The following HIF1AN variants were observed in gnomAD, a reference collection of about 807,000 sequenced individuals.
The protein encoded by HIF1AN is hypoxia-inducible factor 1-alpha inhibitor.
Under a neutral mutation model 47.7 loss-of-function variants are expected in HIF1AN, and 21 were observed. The ratio of observed to expected loss-of-function variants is 0.44; its 90% CI spans 0.31 to 0.63. The LOEUF is 0.63. Among genes scored for constraint, HIF1AN ranks in the 30% least tolerant of loss-of-function variants. HIF1AN has a pLI of 0.07. For synonymous variants in HIF1AN, 152 were observed against 155.9 expected (o/e 0.98, Z 0.18); for missense variants, 320 against 432.7 (o/e 0.74, Z 2.31).
In HIF1AN at chr10:100,558,086, G is replaced by A. The variant is rs557758560; in HGVS notation, c.*9949G>A. The A allele has an allele frequency of 6.6e-6, 1 of 152,468 alleles. No individual in the cohort carries two copies. The highest frequency in any genetic ancestry group is 1.5e-5 in the Non-Finnish European group (1 of 68,220). The allele number at this position is 152,468 out of a possible 1,614,324, so 9.4% of individuals were successfully genotyped here. On this transcript the variant is annotated 3_prime_UTR_variant, in exon 8 of 8. Transcript: ENST00000299163. ...GGACCTCTGGGAATCGTTGGCATGG[G>A]GGTGTGGTGCAGAAAGGGTGATGCT...
rs184601739 is a variant in HIF1AN, at chr10:100,553,444, A to G, written c.*5307A>G. 6.6e-6 allele frequency: 1 copy of G among 152,308 alleles called. No homozygotes were observed. The highest frequency in any genetic ancestry group is 6.5e-5 in the Admixed American group (1 of 15,304). 9.4% of individuals were successfully genotyped at this position (152,308 alleles called of 1,614,324 possible). A position where few individuals can be genotyped will look rare whatever the true frequency, so the allele number is the denominator to read the frequency against. On this transcript the variant is annotated 3_prime_UTR_variant, in exon 8 of 8. Coordinates refer to ENST00000299163, the MANE Select transcript of HIF1AN (RefSeq NM_017902.3). ...GCGTAGTCAGATGTCAGGAGTAGAG[A>G]TCTTAATGAGAAAGGCCCTGGCAGC... is the stretch of plus-strand genomic sequence containing the variant.
In HIF1AN at chr10:100,549,959, C is replaced by G. The variant is rs1843139616; in HGVS notation, c.*1822C>G. ...CAGTGTGGATGTGAAGATATGGTACCTTCTCAAGTGTAGCTCTTTCAAATA... is the reference window on the plus strand; with the variant it reads ...CAGTGTGGATGTGAAGATATGGTACGTTCTCAAGTGTAGCTCTTTCAAATA... On this transcript the variant is annotated 3_prime_UTR_variant, in exon 8 of 8. Coordinates refer to ENST00000299163, the MANE Select transcript of HIF1AN (RefSeq NM_017902.3). 6.6e-6 allele frequency: 1 copy of G among 152,064 alleles called. No individual in the cohort carries two copies. Among genetic ancestry groups the G allele is most frequent in the Non-Finnish European group, 1.5e-5 (1 of 68,022 alleles). The allele number at this position is 152,064 out of a possible 1,614,324, so 9.4% of individuals were successfully genotyped here.
intron 2 of HIF1AN, among the ~76,000 whole-genome samples, chr10:100,538,838 A>G (rs1275459414): frequency 7.0e-6 from 1 of 142,056 alleles, no homozygotes; most frequent in Non-Finnish European, 1.5e-5. Context: ...AAAAAAAAAG[A>G]TTTCTGATTA....
chr10:100,545,546 A>G (rs2133727274), intron 4 of HIF1AN: 1 of 205,858 alleles, frequency 4.9e-6, no homozygotes, highest in South Asian at 1.4e-4. Context: ...CCAGCCAAAG[A>G]TATCCTTTCC....
intron 2 of HIF1AN, among the ~76,000 whole-genome samples, chr10:100,537,535 T>A (rs1304044761): frequency 3.3e-5 from 5 of 152,244 alleles, no homozygotes; most frequent in Admixed American, 6.5e-5. Context: ...AGATTAAATT[T>A]GTTTTTCCTA....
In HIF1AN at chr10:100,536,493, A is replaced by G. The variant is rs1852223255; in HGVS notation, c.260A>G (p.Asn87Ser). The G allele has an allele frequency of 1.5e-5, 24 of 1,614,138 alleles. No homozygotes were observed. The highest frequency in any genetic ancestry group is 2.0e-5 in the Non-Finnish European group (24 of 1,180,018). The change falls in exon 2 of 8, where the codon AAT becomes AGT. Residue 87 changes from asparagine (N) to serine (S), a missense_variant. Asn to Ser is a conservative substitution (Grantham distance 46, BLOSUM62 1). Coordinates refer to ENST00000299163, the MANE Select transcript of HIF1AN (RefSeq NM_017902.3). ...GAATACCTGCAAGAGAATATTGGCAATGGAGACTTCTCTGTGTACAGTGCC... is the reference window on the plus strand; with the variant it reads ...GAATACCTGCAAGAGAATATTGGCAGTGGAGACTTCTCTGTGTACAGTGCC... ...DLEYLQENIGNGDFSVYSAST... is the reference protein window; with the variant it reads ...DLEYLQENIGSGDFSVYSAST...
In HIF1AN at chr10:100,540,751, T is replaced by C. The variant is rs772660778; in HGVS notation, c.546T>C (p.Leu182=). 1.8e-5 allele frequency: 29 copies of C among 1,613,350 alleles called. 1 individual carries two copies. In the South Asian group the frequency reaches 3.2e-4, roughly 18 times the overall value. The part of the protein sequence containing the change: ...KQQGKRGWGQ[L]TSNLLLIGME... ...AGGGAAAGCGTGGCTGGGGGCAGCT[T>C]ACCTCTAACCTGCTGCTCATTGGCA... The change falls in exon 3 of 8, where the codon CTT becomes CTC. Residue 182 remains leucine (L), a synonymous_variant. Transcript: ENST00000299163.
intron 3 of HIF1AN, among the ~76,000 whole-genome samples, chr10:100,541,487 GT>G (rs927221758): frequency 7.3e-5 from 11 of 151,018 alleles, no homozygotes; most frequent in African/African-American, 2.4e-4. Flanking sequence ...TGTCGAGTCT[GT>G]TTTTTTTTGT....
rs1362627572 is a variant in HIF1AN at position 100,545,930 on chromosome 10, T to C, written c.724-13T>C. 6 of 1,584,318 alleles carry C rather than the reference T, an allele frequency of 3.8e-6. No homozygotes were observed. The highest frequency in any genetic ancestry group is 5.2e-6 in the Non-Finnish European group (6 of 1,153,076). On this transcript the variant is annotated splice_polypyrimidine_tract_variant and intron_variant, in intron 4 of 7. Transcript: ENST00000299163. ...GTGATTGATATTTTTTTTCTTTCTC[T>C]TGAACCTCTTAGGTGGACTTTGACA...
rs144004690 is a variant in HIF1AN, at chr10:100,551,972, C to G, written c.*3835C>G. ...CTCGCTACTCTACGCTTCCTAGCAACGTTGATGTCCCCACAACCCCACATC... is the reference window on the plus strand; with the variant it reads ...CTCGCTACTCTACGCTTCCTAGCAAGGTTGATGTCCCCACAACCCCACATC... On this transcript the variant is annotated 3_prime_UTR_variant, in exon 8 of 8. Coordinates refer to ENST00000299163, the MANE Select transcript of HIF1AN (RefSeq NM_017902.3). 1 of 152,076 alleles carries G rather than the reference C, an allele frequency of 6.6e-6. No individual in the cohort carries two copies. The highest frequency in any genetic ancestry group is 1.5e-5 in the Non-Finnish European group (1 of 68,088). The allele number at this position is 152,076 out of a possible 1,614,324, so 9.4% of individuals were successfully genotyped here.
At chr10:100,543,729 G>A (rs540902240) in intron 3 of HIF1AN, among the ~76,000 whole-genome samples, 351 of 152,204 alleles carry the variant, frequency 2.3e-3, no homozygotes, top group African/African-American at 8.2e-3. Context: ...CCGCCACCAC[G>A]CCCGGCTAAT....
rs1426833751 is a variant in HIF1AN, at chr10:100,553,861, A to G, written c.*5724A>G. ...TTGGAATAACTGAAACAATGTTTGTAAAGCTTTAGCACAGTGCCTGGCAAG... is the reference window on the plus strand; with the variant it reads ...TTGGAATAACTGAAACAATGTTTGTGAAGCTTTAGCACAGTGCCTGGCAAG... On this transcript the variant is annotated 3_prime_UTR_variant, in exon 8 of 8. Transcript: ENST00000299163. 1 of 152,220 alleles carries G rather than the reference A, an allele frequency of 6.6e-6. No homozygotes were observed. The highest frequency in any genetic ancestry group is 1.5e-5 in the Non-Finnish European group (1 of 68,044). 9.4% of individuals were successfully genotyped at this position (152,220 alleles called of 1,614,324 possible). A position where few individuals can be genotyped will look rare whatever the true frequency, so the allele number is the denominator to read the frequency against.
Position 100,549,065 on chromosome 10 carries a change from CGTGTGTGTGTGTGTGTCCGT to C in HIF1AN, c.*945_*964del, listed in dbSNP as rs1255486033. 9.2e-6 allele frequency: 1 copy of C among 108,330 alleles called. No homozygotes were observed. The highest frequency in any genetic ancestry group is 2.2e-5 in the Non-Finnish European group (1 of 45,854). 6.7% of individuals were successfully genotyped at this position (108,330 alleles called of 1,614,324 possible). ...CTGGGTGTGTGTGTGTGTGTGCGTG[CGTGTGTGTGTGTGTGTCCGT>C]GTGTGTGTGTGTGTGTGTCCACACT... On this transcript the variant is annotated 3_prime_UTR_variant, in exon 8 of 8. Coordinates refer to ENST00000299163, the MANE Select transcript of HIF1AN (RefSeq NM_017902.3).
chr10:100,541,825 G>A (rs114335928), intron 3 of HIF1AN, among the ~76,000 whole-genome samples: 2,086 of 152,264 alleles, frequency 0.014, 58 homozygotes, highest in African/African-American at 0.047. Flanking sequence ...GTGTTGTTAG[G>A]TGACTTCATC....
At chr10:100,540,141 T>C (rs998286640) in intron 2 of HIF1AN, among the ~76,000 whole-genome samples, 9 of 151,670 alleles carry the variant, frequency 5.9e-5, no homozygotes, top group Non-Finnish European at 1.0e-4. Flanking sequence ...CCTGAGTAGC[T>C]GGGACTTCTT....
chr10:100,544,861 G>C (rs1443784301), intron 3 of HIF1AN, 90 bp from the exon 4 acceptor site: 6 of 1,251,706 alleles, frequency 4.8e-6, no homozygotes, highest in African/African-American at 1.5e-5. Flanking sequence ...TGGGAGGGCA[G>C]GCTGGGTTTC....
chr10:100,547,298 A>G, intron 7 of HIF1AN, 48 bp downstream of exon 7: 1 of 1,121,010 alleles, frequency 8.9e-7, no homozygotes, highest in Non-Finnish European at 1.4e-6. Context: ...GACCAAGGAA[A>G]GTCAGGATCA....
At position 100,553,362 on chromosome 10, in the gene HIF1AN, C is replaced by T. The variant is rs1843184199; in HGVS notation, c.*5225C>T. 6.6e-6 allele frequency: 1 copy of T among 152,308 alleles called. No individual in the cohort carries two copies. Among genetic ancestry groups the T allele is most frequent in the South Asian group, 2.1e-4 (1 of 4,824 alleles). The allele number at this position is 152,308 out of a possible 1,614,324, so 9.4% of individuals were successfully genotyped here. A position where few individuals can be genotyped will look rare whatever the true frequency, so the allele number is the denominator to read the frequency against. ...CTCTGAGGTGTCTTTGGCTCTGTGT[C>T]ACCAAATGTGCCTGACCTCTGCATC... is the stretch of plus-strand genomic sequence containing the variant. On this transcript the variant is annotated 3_prime_UTR_variant, in exon 8 of 8. Transcript: ENST00000299163.
intron 7 of HIF1AN, among the ~76,000 whole-genome samples, chr10:100,547,806 G>A (rs146443225): frequency 1.6e-3 from 247 of 152,258 alleles, no homozygotes; most frequent in African/African-American, 5.5e-3. Flanking sequence ...GGGTGTTCGG[G>A]GATTATTAGC....
Sources: allele counts gnomAD v4.1 joint callset (sites outside exome capture counted in the v4.1 genomes callset), GRCh38; gene constraint gnomAD v4.1.1; transcripts MANE v1.5; gene names NCBI Gene and HGNC (gene_info 2026-07-23, HGNC 2026-07-21).